SFI1: variants seen among roughly 807,000 people sequenced by gnomAD.
The protein encoded by SFI1 is SFI1 centrin binding protein.
In SFI1, 195 loss-of-function variants were observed where a neutral mutation model predicts 207.5. The ratio of observed to expected loss-of-function variants is 0.94; its 90% CI spans 0.84 to 1.06. The LOEUF (loss-of-function observed/expected upper bound fraction) is 1.06. SFI1 is among the 50% of genes least tolerant of loss of function. The pLI is 0.00. For missense variants in SFI1, 1,634 were observed against 1,588.0 expected, an observed-to-expected ratio of 1.03 and a Z score of -0.49; for synonymous variants, 630 against 598.9, an observed-to-expected ratio of 1.05 and a Z score of -0.76.
At chr22:31,598,667 T>G (rs1390962137) in intron 15 of SFI1, among the ~76,000 whole-genome samples, 1 of 130,270 alleles carries the variant, frequency 7.7e-6, no homozygotes, top group African/African-American at 2.9e-5. Flanking sequence ...TCCGCCCGCC[T>G]CGGCCTCCCA....
At position 31,573,172 on chromosome 22, in the gene SFI1, C is replaced by T. The variant is rs373261608; in HGVS notation, c.880C>T (p.Leu294Phe). ...WQKRRFLKAW[L>F]EYLQVRRVKR... ...AAAACGGAGATTTCTAAAGGCCTGG[C>T]TTGAATACCTGCAAGTCCGCAGAGT... The change falls in exon 9 of 33, where the codon CTT (leucine) becomes TTT (phenylalanine). Residue 294 changes from leucine (L) to phenylalanine (F), a missense_variant. Transcript: ENST00000400288. 9.3e-6 allele frequency: 15 copies of T among 1,613,910 alleles called. No individual in the cohort carries two copies. The highest frequency in any genetic ancestry group is 1.1e-5 in the Non-Finnish European group (13 of 1,180,018).
chr22:31,531,453 A>G (rs2058514231), intron 4 of SFI1, among the ~76,000 whole-genome samples: 1 of 152,208 alleles, frequency 6.6e-6, no homozygotes, highest in Non-Finnish European at 1.5e-5. Context: ...AAAAATAACA[A>G]GCAAGTGACC....
At chr22:31,537,997 G>T (rs1434470191) in intron 4 of SFI1, among the ~76,000 whole-genome samples, 2 of 152,158 alleles carry the variant, frequency 1.3e-5, no homozygotes, top group African/African-American at 2.4e-5. Flanking sequence ...TTGAGACCGA[G>T]TTTCACTCTT....
chr22:31,544,458 A>T (rs1173871163), intron 4 of SFI1, among the ~76,000 whole-genome samples: 2 of 152,170 alleles, frequency 1.3e-5, no homozygotes, highest in South Asian at 4.1e-4. Context: ...AATGAAAAAA[A>T]TTAAAAATAA....
intron 4 of SFI1, among the ~76,000 whole-genome samples, chr22:31,544,017 C>A (rs560146148): frequency 6.6e-6 from 1 of 151,858 alleles, no homozygotes; most frequent in Non-Finnish European, 1.5e-5. Flanking sequence ...GGCGAAAACC[C>A]GTCTCTACTG....
At chr22:31,528,930 G>A (rs1212368763) in intron 3 of SFI1, 67 bp downstream of exon 3, 21 of 1,475,210 alleles carry the variant, frequency 1.4e-5, no homozygotes, top group Non-Finnish European at 1.9e-5. Context: ...GGTTAAAATG[G>A]GGGAATGATT....
intron 5 of SFI1, among the ~76,000 whole-genome samples, chr22:31,548,560 T>C (rs1464530877): frequency 1.3e-5 from 2 of 151,206 alleles, no homozygotes; most frequent in African/African-American, 4.9e-5. Context: ...GGAAAATTAA[T>C]TGAACCCAGG....
rs1386653619 is a variant in SFI1, at chr22:31,557,010, C to A, written c.613C>A (p.Leu205Ile). 1.2e-6 allele frequency: 2 copies of A among 1,612,474 alleles called. No homozygotes were observed. The highest frequency in any genetic ancestry group is 3.3e-5 in the Admixed American group (2 of 59,810). Residue 205 changes from leucine (L) to isoleucine (I), a missense_variant, in exon 7 of 33, where the codon CTT becomes ATT. Physicochemically the swap from Leu to Ile is conservative, Grantham distance 5 (BLOSUM62 2). Transcript: ENST00000400288. ...LIYVVVRRTK[L>I]QMQTTALEFR... ...CTACGTGGTTGTTCGTAGGACCAAACTTCAGATGCAGACTACAGCTCTGGA... is the reference window on the plus strand; with the variant it reads ...CTACGTGGTTGTTCGTAGGACCAAAATTCAGATGCAGACTACAGCTCTGGA...
intron 3 of SFI1, chr22:31,530,783 A>G (rs2058443711): frequency 4.3e-6 from 2 of 464,882 alleles, no homozygotes; most frequent in Non-Finnish European, 8.1e-6. Flanking sequence ...AAGAATTATT[A>G]TGTACTTCCT....
At chr22:31,544,942 C>T (rs2059930564) in intron 4 of SFI1, among the ~76,000 whole-genome samples, 1 of 152,034 alleles carries the variant, frequency 6.6e-6, no homozygotes, top group Admixed American at 6.6e-5. Context: ...CTCTGTTGCA[C>T]AGACCAGAGT....
chr22:31,504,700 A>G (rs1223183734), intron 1 of SFI1, among the ~76,000 whole-genome samples: 2 of 152,186 alleles, frequency 1.3e-5, no homozygotes, highest in Non-Finnish European at 2.9e-5. Flanking sequence ...CTGAAGGCTC[A>G]GGGGAGAATC....
chr22:31,559,996 G>A (rs547581866), intron 7 of SFI1: 1 of 362,226 alleles, frequency 2.8e-6, no homozygotes, highest in African/African-American at 2.1e-5. Context: ...TATAAATAAA[G>A]TAATAAATAA....
chr22:31,577,066 T>A (rs978135323), intron 10 of SFI1, among the ~76,000 whole-genome samples: 3 of 152,212 alleles, frequency 2.0e-5, no homozygotes, highest in Admixed American at 6.5e-5. Context: ...AACTCCTGCT[T>A]AAATTCTGGG....
At chr22:31,541,494 C>T (rs1243355236) in intron 4 of SFI1, among the ~76,000 whole-genome samples, 3 of 152,002 alleles carry the variant, frequency 2.0e-5, no homozygotes, top group Admixed American at 6.6e-5. Flanking sequence ...TGGTTGCTTG[C>T]GCCTGTAATC....
At chr22:31,588,119 C>T (rs957184380) in intron 14 of SFI1, among the ~76,000 whole-genome samples, 6 of 152,188 alleles carry the variant, frequency 3.9e-5, no homozygotes, top group Admixed American at 2.6e-4. Flanking sequence ...GTTTCTGCTC[C>T]AAGATCAGCC....
Position 31,546,863 on chromosome 22 carries a change from T to C in SFI1, c.341T>C (p.Phe114Ser). The change falls in exon 5 of 33, where the codon TTT becomes TCT. Residue 114 changes from phenylalanine (F) to serine (S), a missense_variant and splice_region_variant. Phe to Ser is a radical substitution (Grantham distance 155, BLOSUM62 -2). Coordinates refer to ENST00000400288, the MANE Select transcript of SFI1 (RefSeq NM_001007467.3). Reference protein sequence around the residue: ...FGRVFPSKARFYYEQRLLRKV... With the variant: ...FGRVFPSKARSYYEQRLLRKV... ...ATATGATTTTTTTTTTGCCGTAGAT[T>C]TTACTATGAGCAGCGATTACTACGG... 6.3e-7 allele frequency: 1 copy of C among 1,594,974 alleles called. No homozygotes were observed. Among genetic ancestry groups the C allele is most frequent in the East Asian group, 2.2e-5 (1 of 44,602 alleles).
At position 31,618,174 on chromosome 22, in the gene SFI1, CG is replaced by C; in HGVS notation, c.3576del (p.Pro1193LeufsTer6). ...TGGCTGGAGCTGAACAGAGAGGAGC[CG>C]GGGCCTGAGGACCAGGAAGTAGAGC... ...RRWLELNREE[P>X]GPEDQEVEQQ... is the part of the protein sequence containing the mutation. On this transcript the variant is annotated frameshift_variant, in exon 32 of 33. Transcript: ENST00000400288. LOFTEE classifies it high-confidence loss of function. 1 of 1,594,844 alleles carries C rather than the reference CG, an allele frequency of 6.3e-7. No homozygotes were observed. The highest frequency in any genetic ancestry group is 8.5e-7 in the Non-Finnish European group (1 of 1,172,816).
Position 31,547,414 on chromosome 22 carries a change from G to A in SFI1, c.449+443G>A, listed in dbSNP as rs369306969. On this transcript the variant is annotated intron_variant, in intron 5 of 32. Transcript: ENST00000400288. ...CAACTTCCGTCTCCTAGGTTCAAGC[G>A]ATTCTACTGCCTCAGTCTCCCAAGT... Among the ~76,000 whole-genome samples the A allele has an allele frequency of 2.8e-4, 42 of 152,256 alleles. 1 individual carries two copies. The East Asian group carries it at 6.6e-3, about 24-fold the overall frequency.
chr22:31,595,609 C>T (rs368982153), intron 15 of SFI1, among the ~76,000 whole-genome samples: 7 of 152,174 alleles, frequency 4.6e-5, no homozygotes, highest in African/African-American at 1.7e-4. Context: ...TAAGAAACAA[C>T]TGAGAACCAA....
Sources: gnomAD v4.1 joint callset for allele counts (sites outside exome capture counted in the v4.1 genomes callset) on GRCh38, gnomAD v4.1.1 for gene constraint, MANE v1.5 for transcripts, NCBI Gene and HGNC (gene_info 2026-07-23, HGNC 2026-07-21) for gene names.